ACTR3C: variants seen among roughly 807,000 people sequenced by gnomAD.
ACTR3C encodes the protein actin related protein 3C.
ACTR3C carries 18 observed loss-of-function variants against 26.3 expected under a neutral mutation model. The observed-to-expected ratio is 0.68, with a 90% CI of 0.47 to 1.01. The LOEUF (loss-of-function observed/expected upper bound fraction) is 1.01. ACTR3C is among the 50% of genes least tolerant of loss of function. ACTR3C has a pLI of 0.00. For missense variants in ACTR3C, 184 were observed against 250.7 expected, an observed-to-expected ratio of 0.73 and a Z score of 1.80; for synonymous variants, 55 against 94.5, an observed-to-expected ratio of 0.58 and a Z score of 2.42.
chr7:150,185,179 TA>T, the ACTR3C span, among the ~76,000 whole-genome samples: 2 of 151,900 alleles, frequency 1.3e-5, no homozygotes. Flanking sequence ...ATGATGCCCA[TA>T]AATGAGTGCA....
At chr7:150,184,673 A>G in the ACTR3C span, among the ~76,000 whole-genome samples, 1 of 150,580 alleles carries the variant, frequency 6.6e-6, no homozygotes, top group Non-Finnish European at 1.5e-5. Flanking sequence ...AAAAGCCAGC[A>G]CTGAATAACT....
the ACTR3C span, among the ~76,000 whole-genome samples, chr7:150,046,145 C>G: frequency 9.9e-5 from 15 of 152,190 alleles, no homozygotes; most frequent in Admixed American, 2.0e-4. Context: ...AAACCTCGTG[C>G]AAAATCTGAC....
the ACTR3C span, among the ~76,000 whole-genome samples, chr7:150,040,201 C>A: frequency 6.8e-6 from 1 of 148,134 alleles, no homozygotes; most frequent in Non-Finnish European, 1.5e-5. Context: ...AGGGCAGTTG[C>A]TGCCAAGGCC....
At chr7:149,975,174 G>T in the ACTR3C span, among the ~76,000 whole-genome samples, 1 of 152,150 alleles carries the variant, frequency 6.6e-6, no homozygotes, top group African/African-American at 2.4e-5. Flanking sequence ...TTTTTAAAAG[G>T]TTGAAATCAA....
intron 1 of ACTR3C, among the ~76,000 whole-genome samples, chr7:150,311,512 A>G (rs545440607): frequency 6.6e-6 from 1 of 152,202 alleles, no homozygotes; most frequent in Admixed American, 6.5e-5. Flanking sequence ...CGACTCCTCC[A>G]GCTCTATTCA....
chr7:149,988,557 C>T, the ACTR3C span, among the ~76,000 whole-genome samples: 49 of 152,334 alleles, frequency 3.2e-4, no homozygotes, highest in African/African-American at 1.2e-3. Flanking sequence ...CTGCATTTTA[C>T]AAGCAAGGAA....
rs11979409 is a variant in ACTR3C, at chr7:150,322,222, G to A, written c.-52+1247C>T. Among the ~76,000 whole-genome samples, 345 of 152,320 alleles carry A rather than the reference G, an allele frequency of 2.3e-3. 1 individual carries two copies. Among genetic ancestry groups the A allele is most frequent in the African/African-American group, 8.0e-3 (331 of 41,554 alleles). On this transcript the variant is annotated intron_variant, in intron 1 of 7. Transcript: ENST00000683684. ...AGGCATTTGCCCCAGTGTCAGAGGTGTTTAAGCCAGAATTACTCCATCTTG... is the reference window on the plus strand; with the variant it reads ...AGGCATTTGCCCCAGTGTCAGAGGTATTTAAGCCAGAATTACTCCATCTTG...
intron 1 of ACTR3C, among the ~76,000 whole-genome samples, chr7:150,321,150 C>A (rs1206434493): frequency 6.6e-6 from 1 of 152,168 alleles, no homozygotes; most frequent in Non-Finnish European, 1.5e-5. Flanking sequence ...ATCTCCCTAA[C>A]CTTTATGTGT....
At chr7:149,931,716 A>T in the ACTR3C span, among the ~76,000 whole-genome samples, 1 of 152,218 alleles carries the variant, frequency 6.6e-6, no homozygotes, top group Non-Finnish European at 1.5e-5. Flanking sequence ...GCTCCTTTAA[A>T]CTATTGAAGA....
intron 6 of ACTR3C, among the ~76,000 whole-genome samples, chr7:150,265,392 TAA>T (rs370023887): frequency 6.8e-6 from 1 of 147,004 alleles, no homozygotes; most frequent in African/African-American, 2.5e-5. Flanking sequence ...ACATTTTATT[TAA>T]AAAAAAAAAG....
the ACTR3C span, among the ~76,000 whole-genome samples, chr7:150,063,750 C>T: frequency 6.6e-6 from 1 of 152,062 alleles, no homozygotes; most frequent in Non-Finnish European, 1.5e-5. Flanking sequence ...ACTGCGGTTG[C>T]AGGTGACCAG....
the ACTR3C span, among the ~76,000 whole-genome samples, chr7:149,962,885 T>C: frequency 2.6e-5 from 4 of 152,168 alleles, no homozygotes; most frequent in Non-Finnish European, 4.4e-5. Flanking sequence ...GAGGAAGTGT[T>C]CTCAATCTGA....
At chr7:150,087,142 T>TA in the ACTR3C span, among the ~76,000 whole-genome samples, 2 of 119,368 alleles carry the variant, frequency 1.7e-5, no homozygotes, top group South Asian at 2.9e-4. Context: ...GGTTGTATGT[T>TA]GTTTTTTTTT....
the ACTR3C span, among the ~76,000 whole-genome samples, chr7:150,102,720 C>G: frequency 0.87 from 130,929 of 150,868 alleles, 56,937 homozygotes; most frequent in East Asian, 0.92. Flanking sequence ...TCAACAGGGC[C>G]ACCTTCCATG....
chr7:150,109,354 T>C, the ACTR3C span, among the ~76,000 whole-genome samples: 4 of 152,166 alleles, frequency 2.6e-5, no homozygotes, highest in Admixed American at 2.6e-4. Context: ...TTCCCTATTT[T>C]TCTTTTTTAT....
the ACTR3C span, among the ~76,000 whole-genome samples, chr7:150,157,990 T>C: frequency 6.6e-6 from 1 of 152,108 alleles, no homozygotes; most frequent in Non-Finnish European, 1.5e-5. Context: ...TACAACTCAA[T>C]AGTAAAGAAT....
At chr7:150,013,878 G>T in the ACTR3C span, among the ~76,000 whole-genome samples, 12 of 152,334 alleles carry the variant, frequency 7.9e-5, no homozygotes, top group African/African-American at 2.9e-4. Flanking sequence ...GGATGGCAAC[G>T]CTATTCTCCT....
the ACTR3C span, among the ~76,000 whole-genome samples, chr7:150,089,468 T>G: frequency 1.3e-5 from 2 of 152,218 alleles, no homozygotes; most frequent in African/African-American, 4.8e-5. Flanking sequence ...TATGCAAGCC[T>G]TCAGGAACAG....
At chr7:149,926,879 G>T in the ACTR3C span, among the ~76,000 whole-genome samples, 2 of 151,832 alleles carry the variant, frequency 1.3e-5, no homozygotes, top group Non-Finnish European at 2.9e-5. Flanking sequence ...AAATAAATGC[G>T]AAGATTATCA....
Sources: allele counts gnomAD v4.1 joint callset (sites outside exome capture counted in the v4.1 genomes callset), GRCh38; gene constraint gnomAD v4.1.1; transcripts MANE v1.5; gene names NCBI Gene and HGNC (gene_info 2026-07-23, HGNC 2026-07-21).